CDH18: variants seen among roughly 807,000 people sequenced by gnomAD.
CDH18 encodes cadherin 18, also known as cadherin-18.
In CDH18, 31 loss-of-function variants were observed where a neutral mutation model predicts 67.9. That is an observed-to-expected ratio of 0.46 (90% CI 0.34 to 0.62). The LOEUF (loss-of-function observed/expected upper bound fraction) is 0.62. CDH18 is among the 20% of genes least tolerant of loss of function. The probability of loss-of-function intolerance (pLI) is 0.01; values close to 1 mark genes in which losing one functional copy is unlikely to be tolerated. For missense variants in CDH18, 890 were observed against 975.5 expected (o/e 0.91, Z 1.17); for synonymous variants, 362 against 347.2 (o/e 1.04, Z -0.48).
intron 1 of CDH18, among the ~76,000 whole-genome samples, chr5:20,264,609 C>T (rs540359999): frequency 1.3e-5 from 2 of 151,806 alleles, no homozygotes; most frequent in South Asian, 4.2e-4. Context: ...ACATAAAGAC[C>T]CAGAAACCAC....
intron 2 of CDH18, among the ~76,000 whole-genome samples, chr5:20,190,961 A>G (rs937527770): frequency 3.9e-5 from 6 of 152,136 alleles, no homozygotes; most frequent in Admixed American, 3.3e-4. Flanking sequence ...TCACAGCACC[A>G]TATGTCTACC....
chr5:20,434,219 T>C (rs1748992346), intron 1 of CDH18, among the ~76,000 whole-genome samples: 1 of 151,992 alleles, frequency 6.6e-6, no homozygotes, highest in Admixed American at 6.6e-5. Flanking sequence ...GGCCAAATGT[T>C]CAATAAATAA....
intron 2 of CDH18, among the ~76,000 whole-genome samples, chr5:20,232,980 A>T (rs1580538872): frequency 6.6e-6 from 1 of 152,056 alleles, no homozygotes; most frequent in African/African-American, 2.4e-5. Context: ...TATGTCTTAT[A>T]GGTTGCAATA....
intron 1 of CDH18, among the ~76,000 whole-genome samples, chr5:20,399,144 T>C (rs1745550457): frequency 6.6e-6 from 1 of 152,196 alleles, no homozygotes; most frequent in Admixed American, 6.6e-5. Context: ...CTGATTTGAA[T>C]TGTGTGCTTG....
chr5:19,932,355 T>TA (rs1240855441), intron 2 of CDH18, among the ~76,000 whole-genome samples: 1 of 151,692 alleles, frequency 6.6e-6, no homozygotes, highest in Non-Finnish European at 1.5e-5. Context: ...AGCTCCTTTT[T>TA]AAAAAACAAT....
chr5:20,565,038 A>AT (rs1758421471), intron 1 of CDH18, among the ~76,000 whole-genome samples: 1 of 152,088 alleles, frequency 6.6e-6, no homozygotes, highest in Non-Finnish European at 1.5e-5. Context: ...AAATTGACAT[A>AT]TTTTTTCTCT....
chr5:19,517,332 G>GT (rs1239877546), intron 10 of CDH18, among the ~76,000 whole-genome samples: 1 of 151,988 alleles, frequency 6.6e-6, no homozygotes, highest in Non-Finnish European at 1.5e-5. Context: ...TTTATCTTCT[G>GT]TTTTTATTGT....
chr5:20,113,241 G>A (rs1227312116), intron 2 of CDH18, among the ~76,000 whole-genome samples: 1 of 152,092 alleles, frequency 6.6e-6, no homozygotes, highest in Non-Finnish European at 1.5e-5. Context: ...TTTCAGTGGT[G>A]GGATGCCCAC....
intron 1 of CDH18, among the ~76,000 whole-genome samples, chr5:20,328,502 TGTGTGTGAGAGA>T (rs928989155): frequency 7.7e-5 from 9 of 117,446 alleles, no homozygotes; most frequent in African/African-American, 1.5e-4. Flanking sequence ...TGTGTGTGTG[TGTGTGTGAGAGA>T]GAGAGAGAGA....
intron 3 of CDH18, 114 bp from the exon 4 acceptor site, chr5:19,747,350 A>G: frequency 1.2e-6 from 1 of 823,644 alleles, no homozygotes; most frequent in South Asian, 1.8e-5. Context: ...TTCCCTTTAC[A>G]GTGCCCTGTG....
At chr5:20,302,952 T>C in intron 1 of CDH18, among the ~76,000 whole-genome samples, 1 of 152,284 alleles carries the variant, frequency 6.6e-6, no homozygotes, top group East Asian at 1.9e-4. Context: ...TTCGTGTGCA[T>C]AACCCTGGCT....
At chr5:19,492,269 C>T (rs1313163493) in intron 11 of CDH18, among the ~76,000 whole-genome samples, 1 of 152,094 alleles carries the variant, frequency 6.6e-6, no homozygotes, top group East Asian at 1.9e-4. Flanking sequence ...AAAGCACATT[C>T]CCTCAAGAAA....
chr5:20,279,699 CAAAAAAAAAAAAAA>C (rs1189257278), intron 1 of CDH18, among the ~76,000 whole-genome samples: 4 of 13,594 alleles, frequency 2.9e-4, no homozygotes, highest in South Asian at 7.8e-3. Context: ...AGCTCTGTCT[CAAAAAAAAAAAAAA>C]AAAAAAAAAA....
chr5:19,762,898 C>A (rs1404265682), intron 3 of CDH18, among the ~76,000 whole-genome samples: 2 of 152,148 alleles, frequency 1.3e-5, no homozygotes, highest in Non-Finnish European at 1.5e-5. Flanking sequence ...CACATATACA[C>A]CATGGAATAC....
At chr5:20,304,965 G>A (rs1391277047) in intron 1 of CDH18, 17 of 1,613,820 alleles carry the variant, frequency 1.1e-5, no homozygotes, top group Non-Finnish European at 1.4e-5. Context: ...AGCAGTTCAA[G>A]GCGGCCAACT....
chr5:19,580,348 T>C lies in CDH18; in HGVS notation c.1000-8516A>G, dbSNP rs561891551. ...ACTCATAACAATTAAGGCAAACCTA[T>C]ATCATTAACAGTTGGTATGGGCTGA... On this transcript the variant is annotated intron_variant, in intron 7 of 12. Coordinates refer to ENST00000382275, the MANE Select transcript of CDH18 (RefSeq NM_004934.5). 5.9e-5 allele frequency among the ~76,000 whole-genome samples: 9 copies of C among 152,066 alleles called. No homozygotes were observed. In the East Asian group the frequency reaches 1.7e-3, roughly 29 times the overall value.
chr5:20,355,003 A>C, intron 1 of CDH18, among the ~76,000 whole-genome samples: 1 of 152,196 alleles, frequency 6.6e-6, no homozygotes, highest in Admixed American at 6.5e-5. Context: ...ATGTTCTTCC[A>C]AAGGGTACCT....
At chr5:20,305,334 T>A (rs1206539579) in intron 1 of CDH18, 5 of 1,574,084 alleles carry the variant, frequency 3.2e-6, no homozygotes, top group African/African-American at 1.3e-5. Flanking sequence ...TTGCTTTCTT[T>A]ATGGCTCTAT....
chr5:19,889,296 TG>T (rs1320479891), intron 2 of CDH18, among the ~76,000 whole-genome samples: 3 of 152,096 alleles, frequency 2.0e-5, no homozygotes, highest in African/African-American at 7.2e-5. Context: ...TGACATCAAA[TG>T]TTAGCCAATT....
Sources: allele counts gnomAD v4.1 joint callset (sites outside exome capture counted in the v4.1 genomes callset), GRCh38; gene constraint gnomAD v4.1.1; transcripts MANE v1.5; gene names NCBI Gene and HGNC (gene_info 2026-07-23, HGNC 2026-07-21).